The following FGF14 variants were observed in gnomAD, a reference collection of about 807,000 sequenced individuals.
The protein encoded by FGF14 is fibroblast growth factor 14, also known as fibroblast growth factor homologous factor 4.
In FGF14, 5 loss-of-function variants were observed where a neutral mutation model predicts 25.5. The observed-to-expected ratio is 0.20, with a 90% CI of 0.10 to 0.41. The LOEUF (loss-of-function observed/expected upper bound fraction) is 0.41. Among genes scored for constraint, FGF14 ranks in the 10% least tolerant of loss-of-function variants. The pLI is 1.00. For missense variants in FGF14, 222 were observed against 320.1 expected (o/e 0.69, Z 2.34); for synonymous variants, 138 against 118.3 (o/e 1.17, Z -1.08).
chr13:102,326,700 A>AAGGAAGGG (rs1427865297), intron 1 of FGF14, among the ~76,000 whole-genome samples: 1 of 48,586 alleles, frequency 2.1e-5, no homozygotes, highest in African/African-American at 1.4e-4. Context: ...GAAGGGAAGG[A>AAGGAAGGG]AGGAAGGAAG....
At chr13:102,249,926 C>T (rs908634587) in intron 1 of FGF14, among the ~76,000 whole-genome samples, 1 of 152,114 alleles carries the variant, frequency 6.6e-6, no homozygotes, top group African/African-American at 2.4e-5. Flanking sequence ...GGGAGAAGGA[C>T]TGGCTATGCT....
chr13:102,351,494 A>G (rs1345200537), intron 1 of FGF14, among the ~76,000 whole-genome samples: 1 of 152,212 alleles, frequency 6.6e-6, no homozygotes, highest in African/African-American at 2.4e-5. Flanking sequence ...GTTATGGGTA[A>G]CTAGTTCCTG....
chr13:101,818,742 C>T (rs1049587465), intron 3 of FGF14, among the ~76,000 whole-genome samples: 1 of 152,106 alleles, frequency 6.6e-6, no homozygotes, highest in African/African-American at 2.4e-5. Flanking sequence ...AGTAACACAA[C>T]TTAACTAACT....
chr13:102,095,342 A>G (rs1411824257), intron 1 of FGF14, among the ~76,000 whole-genome samples: 1 of 152,122 alleles, frequency 6.6e-6, no homozygotes, highest in East Asian at 1.9e-4. Flanking sequence ...CGTGCCAGAC[A>G]GTCATCAGTT....
At chr13:102,276,059 A>G (rs1004373970) in intron 1 of FGF14, among the ~76,000 whole-genome samples, 1 of 151,904 alleles carries the variant, frequency 6.6e-6, no homozygotes, top group African/African-American at 2.4e-5. Context: ...AGAATATGAA[A>G]TGACTATAAA....
intron 3 of FGF14, among the ~76,000 whole-genome samples, chr13:101,789,038 C>T (rs889935921): frequency 4.0e-5 from 6 of 149,314 alleles, no homozygotes; most frequent in East Asian, 2.0e-4. Flanking sequence ...TTCAACAGAA[C>T]GACCCATGAT....
chr13:102,237,322 G>A (rs1030967697), intron 1 of FGF14, among the ~76,000 whole-genome samples: 1 of 152,206 alleles, frequency 6.6e-6, no homozygotes, highest in African/African-American at 2.4e-5. Flanking sequence ...AGCAGCAGGA[G>A]GCCCTCTGCA....
At chr13:101,799,008 G>A (rs1308349406) in intron 3 of FGF14, among the ~76,000 whole-genome samples, 1 of 152,106 alleles carries the variant, frequency 6.6e-6, no homozygotes, top group Non-Finnish European at 1.5e-5. Context: ...ATTTCTCAAT[G>A]AGTTAATCTA....
chr13:101,820,822 C>A (rs903335417), intron 3 of FGF14, among the ~76,000 whole-genome samples: 1 of 100,382 alleles, frequency 1.0e-5, no homozygotes, highest in African/African-American at 2.9e-5. Flanking sequence ...CACACACACA[C>A]CACACACACA....
intron 1 of FGF14, among the ~76,000 whole-genome samples, chr13:102,284,933 GTC>G (rs1159288201): frequency 8.7e-5 from 13 of 149,900 alleles, no homozygotes; most frequent in East Asian, 1.9e-4. Context: ...CTCCCCCTCC[GTC>G]TCTCTCTCCC....
At chr13:101,753,230 A>G (rs957216848) in intron 3 of FGF14, among the ~76,000 whole-genome samples, 2 of 151,974 alleles carry the variant, frequency 1.3e-5, no homozygotes, top group Non-Finnish European at 2.9e-5. Context: ...TGCAAATGCA[A>G]TTCAGTAATA....
At chr13:102,182,207 C>G (rs1165057389) in intron 1 of FGF14, among the ~76,000 whole-genome samples, 1 of 152,074 alleles carries the variant, frequency 6.6e-6, no homozygotes, top group Non-Finnish European at 1.5e-5. Context: ...TACAGAGACG[C>G]TACATTCCCG....
chr13:102,248,293 C>G (rs1201101028), intron 1 of FGF14, among the ~76,000 whole-genome samples: 1 of 152,066 alleles, frequency 6.6e-6, no homozygotes, highest in African/African-American at 2.4e-5. Flanking sequence ...TGGTTTTCAG[C>G]ATTTTGGAAT....
chr13:102,132,767 C>T (rs912788941), intron 1 of FGF14, among the ~76,000 whole-genome samples: 6 of 152,258 alleles, frequency 3.9e-5, no homozygotes, highest in African/African-American at 7.2e-5. Flanking sequence ...GCAATCCACC[C>T]GCCTCAGCCT....
chr13:102,134,546 A>G (rs1244082813), intron 1 of FGF14, among the ~76,000 whole-genome samples: 1 of 152,222 alleles, frequency 6.6e-6, no homozygotes, highest in Non-Finnish European at 1.5e-5. Context: ...TTTGCACACA[A>G]TAGAGTTAAT....
chr13:101,992,241 T>C lies in FGF14; in HGVS notation c.209-116945A>G, dbSNP rs182551763. ...AAGTCTTTTGGGAAACCCAAAGCAA[T>C]TGGGGGGTGGGGGACAAAAATAAGG... On this transcript the variant is annotated intron_variant, in intron 1 of 4. Transcript: ENST00000376131. 1.4e-3 allele frequency among the ~76,000 whole-genome samples: 220 copies of C among 152,132 alleles called. 2 individuals are homozygous for C. Among genetic ancestry groups the C allele is most frequent in the Admixed American group, 9.1e-3 (139 of 15,270 alleles).
chr13:102,105,090 C>T (rs747987852), intron 1 of FGF14, among the ~76,000 whole-genome samples: 4 of 152,120 alleles, frequency 2.6e-5, no homozygotes, highest in African/African-American at 7.2e-5. Flanking sequence ...CAAACACTTG[C>T]CCCACTATTG....
intron 1 of FGF14, among the ~76,000 whole-genome samples, chr13:102,110,715 C>A (rs1322902742): frequency 4.6e-5 from 7 of 151,796 alleles, no homozygotes; most frequent in African/African-American, 1.5e-4. Flanking sequence ...CTTTCAGCCC[C>A]CTCGCCCCTT....
At chr13:102,054,300 A>G (rs2042337730) in intron 1 of FGF14, among the ~76,000 whole-genome samples, 1 of 151,716 alleles carries the variant, frequency 6.6e-6, no homozygotes, top group Admixed American at 6.5e-5. Context: ...AAAAATCAAT[A>G]TATTTAGAGG....
Sources: gnomAD v4.1 joint callset for allele counts (sites outside exome capture counted in the v4.1 genomes callset) on GRCh38, gnomAD v4.1.1 for gene constraint, MANE v1.5 for transcripts, NCBI Gene and HGNC (gene_info 2026-07-23, HGNC 2026-07-21) for gene names.